UNC13C: variants seen among roughly 807,000 people sequenced by gnomAD.
The protein encoded by UNC13C is protein unc-13 homolog C.
Under a neutral mutation model 245.4 loss-of-function variants are expected in UNC13C, and 174 were observed. That is an observed-to-expected ratio of 0.71 (90% CI 0.63 to 0.80). The LOEUF is 0.80. Among genes scored for constraint, UNC13C ranks in the 30% least tolerant of loss-of-function variants. The probability of loss-of-function intolerance (pLI) is 0.00; values close to 1 mark genes in which losing one functional copy is unlikely to be tolerated. For missense variants in UNC13C, 2,829 were observed against 2,602.9 expected (o/e 1.09, Z -1.89); for synonymous variants, 992 against 895.1 (o/e 1.11, Z -1.93).
the UNC13C span, among the ~76,000 whole-genome samples, chr15:53,849,501 A>C: frequency 1.3e-5 from 2 of 152,108 alleles, no homozygotes; most frequent in Non-Finnish European, 2.9e-5. Context: ...TTTTAGAACA[A>C]TATTGCCGTT....
intron 19 of UNC13C, among the ~76,000 whole-genome samples, chr15:54,449,174 G>A (rs1891011212): frequency 1.3e-5 from 2 of 152,180 alleles, no homozygotes. Flanking sequence ...CCCTTTGTGG[G>A]TAACCCGACT....
rs1900456410 is a variant in UNC13C at position 54,106,541 on chromosome 15, T to C, written c.2984-36477T>C. On this transcript the variant is annotated intron_variant, in intron 2 of 32. Coordinates refer to ENST00000260323, the MANE Select transcript of UNC13C (RefSeq NM_001080534.3). ...AAGTATCATTTCATACACATCCTTG[T>C]TCTCTTATTGCTCTTCTTTAGTTTC... is the stretch of plus-strand genomic sequence containing the variant. 2.6e-5 allele frequency among the ~76,000 whole-genome samples: 4 copies of C among 152,224 alleles called. 1 individual carries two copies. In the South Asian group the frequency reaches 8.3e-4, roughly 31 times the overall value.
chr15:54,457,519 T>C (rs1171066209), intron 19 of UNC13C, among the ~76,000 whole-genome samples: 1 of 151,960 alleles, frequency 6.6e-6, no homozygotes, highest in African/African-American at 2.4e-5. Flanking sequence ...GACTTTTTTT[T>C]GGCAATTTTT....
Position 54,220,967 on chromosome 15 carries a change from C to T in UNC13C, c.3072-14063C>T, listed in dbSNP as rs571329835. On this transcript the variant is annotated intron_variant, in intron 4 of 32. Coordinates refer to ENST00000260323, the MANE Select transcript of UNC13C (RefSeq NM_001080534.3). Reference sequence around the variant, plus strand: ...TTTATGTAATACTAAACCACAGATGCTCTTGCTGGCTTAGAGGACAATATT... The same window carrying T: ...TTTATGTAATACTAAACCACAGATGTTCTTGCTGGCTTAGAGGACAATATT... Among the ~76,000 whole-genome samples the T allele has an allele frequency of 1.1e-4, 17 of 152,088 alleles. No individual in the cohort carries two copies. In the East Asian group the frequency reaches 3.3e-3, roughly 29 times the overall value.
chr15:54,383,990 T>C (rs1194283591), intron 17 of UNC13C, among the ~76,000 whole-genome samples: 1 of 152,004 alleles, frequency 6.6e-6, no homozygotes, highest in African/African-American at 2.4e-5. Flanking sequence ...TGCAAAACAC[T>C]GATGAAAGGA....
intron 10 of UNC13C, among the ~76,000 whole-genome samples, chr15:54,288,802 T>C (rs2037216447): frequency 6.6e-6 from 1 of 152,118 alleles, no homozygotes. Flanking sequence ...GACAATTTTA[T>C]GAGCAAGTAA....
chr15:54,139,185 C>T (rs2031892064), intron 2 of UNC13C, among the ~76,000 whole-genome samples: 1 of 151,624 alleles, frequency 6.6e-6, no homozygotes, highest in South Asian at 2.1e-4. Context: ...GTCTCAGACT[C>T]CTGACCTCAT....
chr15:54,556,337 T>G (rs1897087951), intron 29 of UNC13C, among the ~76,000 whole-genome samples: 1 of 152,090 alleles, frequency 6.6e-6, no homozygotes, highest in South Asian at 2.1e-4. Flanking sequence ...TTCTACTGGA[T>G]AGAAACAATG....
intron 17 of UNC13C, among the ~76,000 whole-genome samples, chr15:54,360,069 G>T (rs1331443361): frequency 6.6e-6 from 1 of 151,728 alleles, no homozygotes; most frequent in Non-Finnish European, 1.5e-5. Flanking sequence ...ACCCATTATT[G>T]TTCAGGAGCA....
At chr15:54,436,162 G>T (rs1437336204) in intron 19 of UNC13C, among the ~76,000 whole-genome samples, 1 of 151,966 alleles carries the variant, frequency 6.6e-6, no homozygotes, top group African/African-American at 2.4e-5. Context: ...CAACTATTAT[G>T]GAAGACAGTG....
chr15:54,363,381 C>G (rs1012181518), intron 17 of UNC13C, among the ~76,000 whole-genome samples: 11 of 152,146 alleles, frequency 7.2e-5, no homozygotes, highest in African/African-American at 2.7e-4. Flanking sequence ...AGTGCTGGGA[C>G]TACAGGTGTG....
intron 28 of UNC13C, among the ~76,000 whole-genome samples, chr15:54,551,783 C>T (rs1896744511): frequency 1.3e-5 from 2 of 151,734 alleles, no homozygotes; most frequent in Admixed American, 1.3e-4. Context: ...TTTAAATTAT[C>T]AGTCCATTTA....
chr15:54,333,441 A>G (rs1357727484), intron 15 of UNC13C, among the ~76,000 whole-genome samples: 1 of 152,058 alleles, frequency 6.6e-6, no homozygotes, highest in Non-Finnish European at 1.5e-5. Context: ...TATGTATGCT[A>G]TACTTAATCC....
chr15:54,139,821 T>A (rs1401399118), intron 2 of UNC13C, among the ~76,000 whole-genome samples: 1 of 152,176 alleles, frequency 6.6e-6, no homozygotes, highest in East Asian at 1.9e-4. Flanking sequence ...TCTTTCTTCC[T>A]TTAACTATTC....
intron 16 of UNC13C, among the ~76,000 whole-genome samples, chr15:54,335,301 TC>T (rs1203224313): frequency 2.6e-5 from 4 of 152,146 alleles, no homozygotes; most frequent in Admixed American, 6.6e-5. Flanking sequence ...CTACCCCAGT[TC>T]ATTTCCCTTA....
intron 19 of UNC13C, among the ~76,000 whole-genome samples, chr15:54,464,470 T>A (rs1892059999): frequency 6.6e-6 from 1 of 152,152 alleles, no homozygotes; most frequent in Non-Finnish European, 1.5e-5. Context: ...AATTATTTAT[T>A]AGTTGACTGT....
At chr15:54,016,042 C>T (rs1047294778) in intron 2 of UNC13C, among the ~76,000 whole-genome samples, 156 bp downstream of exon 2, 7 of 152,202 alleles carry the variant, frequency 4.6e-5, no homozygotes, top group African/African-American at 1.7e-4. Flanking sequence ...ACTCAGGCAG[C>T]TCTCCTAAGA....
chr15:54,321,259 C>G (rs2038150034), intron 13 of UNC13C: 2 of 479,534 alleles, frequency 4.2e-6, no homozygotes, highest in Admixed American at 2.2e-5. Flanking sequence ...TTTCTTGCCA[C>G]TGCCTCAGCT....
chr15:54,607,530 T>A (rs1166173411), intron 30 of UNC13C, among the ~76,000 whole-genome samples: 1 of 152,206 alleles, frequency 6.6e-6, no homozygotes, highest in African/African-American at 2.4e-5. Context: ...CTATTTTTTA[T>A]TTTTTAAATG....
Sources: allele counts gnomAD v4.1 joint callset (sites outside exome capture counted in the v4.1 genomes callset), GRCh38; gene constraint gnomAD v4.1.1; transcripts MANE v1.5; gene names NCBI Gene and HGNC (gene_info 2026-07-23, HGNC 2026-07-21).